The following GAS7 variants were observed in gnomAD, a reference collection of about 807,000 sequenced individuals.
GAS7 encodes growth arrest specific 7, also known as growth arrest-specific protein 7.
Under a neutral mutation model 71.1 loss-of-function variants are expected in GAS7, and 28 were observed. That is an observed-to-expected ratio of 0.39 (90% CI 0.29 to 0.54). The LOEUF is 0.54. Among genes scored for constraint, GAS7 ranks in the 20% least tolerant of loss-of-function variants. GAS7 has a pLI of 0.62. For synonymous variants in GAS7, 258 were observed against 245.8 expected (o/e 1.05, Z -0.46); for missense variants, 436 against 627.8 (o/e 0.69, Z 3.27).
chr17:9,933,897 C>A (rs1358395232), intron 9 of GAS7, among the ~76,000 whole-genome samples: 1 of 151,986 alleles, frequency 6.6e-6, no homozygotes, highest in African/African-American at 2.4e-5. Flanking sequence ...TAGCACTTAC[C>A]ACCTCCTAAC....
intron 1 of GAS7, among the ~76,000 whole-genome samples, chr17:10,165,306 A>AG (rs957979706): frequency 3.3e-4 from 50 of 151,502 alleles, no homozygotes; most frequent in African/African-American, 3.1e-4. Context: ...AAAAAAAAAA[A>AG]AAAAAGAAAA....
intron 2 of GAS7, among the ~76,000 whole-genome samples, chr17:9,989,017 T>A (rs1443097649): frequency 1.3e-5 from 2 of 151,810 alleles, no homozygotes; most frequent in African/African-American, 4.8e-5. Context: ...CCCGGCTAAT[T>A]TTTTTGTATT....
chr17:10,059,570 G>C, intron 1 of GAS7: 1 of 354,766 alleles, frequency 2.8e-6, no homozygotes, highest in Non-Finnish European at 3.9e-6. Flanking sequence ...AGCCAAGCAA[G>C]AGGTCATCCA....
At chr17:10,015,158 A>AG (rs2071942314) in intron 2 of GAS7, among the ~76,000 whole-genome samples, 1 of 142,802 alleles carries the variant, frequency 7.0e-6, no homozygotes, top group East Asian at 2.0e-4. Flanking sequence ...TGTCTCAAAA[A>AG]AAAAAGAAAA....
intron 2 of GAS7, among the ~76,000 whole-genome samples, chr17:10,005,310 T>C (rs927278665): frequency 3.4e-5 from 5 of 149,016 alleles, no homozygotes; most frequent in Non-Finnish European, 5.9e-5. Flanking sequence ...TACACATATA[T>C]ACACACACAT....
At chr17:10,085,702 AAAAAAAAG>A (rs796082726) in intron 1 of GAS7, among the ~76,000 whole-genome samples, 2,391 of 146,920 alleles carry the variant, frequency 0.016, 65 homozygotes, top group African/African-American at 0.056. Context: ...AAAAAAAAAA[AAAAAAAAG>A]AAAGAAAGAA....
intron 1 of GAS7, among the ~76,000 whole-genome samples, chr17:10,131,554 G>A (rs1039034200): frequency 3.9e-5 from 6 of 152,204 alleles, no homozygotes; most frequent in Admixed American, 1.3e-4. Flanking sequence ...CCCGGGAGGC[G>A]GAGGTTGCAG....
At chr17:10,028,579 C>A (rs1395147554) in intron 1 of GAS7, among the ~76,000 whole-genome samples, 1 of 151,532 alleles carries the variant, frequency 6.6e-6, no homozygotes, top group Admixed American at 6.6e-5. Context: ...GAAGAAACAT[C>A]TCAGAAAAGT....
rs772399370 is a variant in GAS7, at chr17:10,136,789, A to T, written c.183+61419T>A. 1.3e-4 allele frequency among the ~76,000 whole-genome samples: 20 copies of T among 152,184 alleles called. 1 individual carries two copies. Among genetic ancestry groups the T allele is most frequent in the Non-Finnish European group, 2.4e-4 (16 of 68,028 alleles). ...TAGAAAAAAACAGTGGGAGGGACAC[A>T]AATTCCTCCATTATCTGACCCTCTT... is the stretch of plus-strand genomic sequence containing the variant. On this transcript the variant is annotated intron_variant, in intron 1 of 13. Transcript: ENST00000432992.
chr17:10,049,505 C>T (rs1261776102), intron 1 of GAS7, among the ~76,000 whole-genome samples: 3 of 151,124 alleles, frequency 2.0e-5, no homozygotes, highest in African/African-American at 4.9e-5. Context: ...GGGGATTCTC[C>T]GGTTGTTTCA....
At chr17:10,041,717 G>A (rs1038094221) in intron 1 of GAS7, among the ~76,000 whole-genome samples, 3 of 152,124 alleles carry the variant, frequency 2.0e-5, no homozygotes, top group African/African-American at 4.8e-5. Flanking sequence ...AGCGTTGGCC[G>A]TGAAAAACAC....
At chr17:10,169,723 C>T (rs1307191957) in intron 1 of GAS7, among the ~76,000 whole-genome samples, 4 of 152,148 alleles carry the variant, frequency 2.6e-5, no homozygotes, top group Non-Finnish European at 5.9e-5. Flanking sequence ...CTTCTCCATC[C>T]ACCCCACTCC....
intron 2 of GAS7, among the ~76,000 whole-genome samples, chr17:10,005,983 C>G (rs2071512213): frequency 6.6e-6 from 1 of 152,186 alleles, no homozygotes; most frequent in Admixed American, 6.6e-5. Flanking sequence ...ACTGGTTGAT[C>G]TAATGACTGG....
intron 1 of GAS7, among the ~76,000 whole-genome samples, chr17:10,035,748 G>A (rs1399535181): frequency 1.3e-5 from 2 of 152,156 alleles, no homozygotes; most frequent in Admixed American, 1.3e-4. Flanking sequence ...AAAGATTGGT[G>A]AAACAAGGCT....
intron 2 of GAS7, among the ~76,000 whole-genome samples, chr17:9,982,858 A>AAAGAAAGAAAGAAAGAAAGAAAGG (rs2070478487): frequency 6.7e-6 from 1 of 149,750 alleles, no homozygotes; most frequent in African/African-American, 2.5e-5. Context: ...AGAAAGAAAG[A>AAAGAAAGAAAGAAAGAAAGAAAGG]AAGAAAGAAA....
chr17:10,036,108 G>A (rs2072743475), intron 1 of GAS7, among the ~76,000 whole-genome samples: 4 of 152,220 alleles, frequency 2.6e-5, no homozygotes, highest in Admixed American at 6.5e-5. Context: ...CTCCAACTAC[G>A]AAACTGCTCC....
intron 9 of GAS7, among the ~76,000 whole-genome samples, chr17:9,927,435 G>A (rs901713545): frequency 2.0e-5 from 3 of 151,548 alleles, no homozygotes; most frequent in Admixed American, 6.6e-5. Context: ...AGCCGAGATT[G>A]TGCCACTGCA....
chr17:10,119,925 G>A (rs2073891059), intron 1 of GAS7, among the ~76,000 whole-genome samples: 1 of 152,158 alleles, frequency 6.6e-6, no homozygotes, highest in South Asian at 2.1e-4. Context: ...AAGAGCAGAA[G>A]AGGATGTCAC....
intron 1 of GAS7, among the ~76,000 whole-genome samples, chr17:10,081,168 T>TC (rs1188650577): frequency 6.6e-6 from 1 of 152,222 alleles, no homozygotes; most frequent in Non-Finnish European, 1.5e-5. Flanking sequence ...GTTTTTTTTT[T>TC]CTTGAGACGG....
Sources: allele counts gnomAD v4.1 joint callset (sites outside exome capture counted in the v4.1 genomes callset), GRCh38; gene constraint gnomAD v4.1.1; transcripts MANE v1.5; gene names NCBI Gene and HGNC (gene_info 2026-07-23, HGNC 2026-07-21).